Variants in KLRG2 observed in about 807,000 individuals in gnomAD.
KLRG2 encodes the protein killer cell lectin like receptor G2.
A neutral mutation model predicts 35.4 loss-of-function variants in KLRG2; 39 were observed. The observed-to-expected ratio is 1.10, with a 90% CI of 0.85 to 1.44. The LOEUF (loss-of-function observed/expected upper bound fraction) is 1.44, where lower values mean the gene tolerates loss of function less well. Ranked by LOEUF, KLRG2 falls within the 40% of genes most tolerant of loss-of-function variation. The pLI is 0.00. For missense variants in KLRG2, 632 were observed against 570.9 expected, an observed-to-expected ratio of 1.11 and a Z score of -1.09; for synonymous variants, 283 against 265.8, an observed-to-expected ratio of 1.06 and a Z score of -0.63.
downstream of KLRG2, among the ~76,000 whole-genome samples, chr7:139,450,379 A>G (rs186805592): frequency 8.7e-3 from 1,324 of 151,980 alleles, 9 homozygotes; most frequent in Non-Finnish European, 0.015. Context: ...GCCTGCCACC[A>G]CGCCCGGCTA....
intron 3 of KLRG2, among the ~76,000 whole-genome samples, chr7:139,465,052 C>G (rs1459423404): frequency 6.6e-6 from 1 of 152,210 alleles, no homozygotes; most frequent in African/African-American, 2.4e-5. Context: ...CTTTCCTGTT[C>G]CTCACCCTGA....
chr7:139,443,954 C>G, the KLRG2 span, among the ~76,000 whole-genome samples: 1 of 152,206 alleles, frequency 6.6e-6, no homozygotes, highest in Non-Finnish European at 1.5e-5. Flanking sequence ...GCCGACAGTA[C>G]AGCCTTCAGT....
At chr7:139,460,403 TGCA>T (rs1585165516) in intron 3 of KLRG2, among the ~76,000 whole-genome samples, 1 of 152,138 alleles carries the variant, frequency 6.6e-6, no homozygotes, top group Non-Finnish European at 1.5e-5. Flanking sequence ...CTGGGTCAGG[TGCA>T]GCGGCTCATG....
rs1328614926 is a variant in KLRG2 at position 139,467,380 on chromosome 7, AAAG to A, written c.1005+12244_1005+12246del. Among the ~76,000 whole-genome samples, 9 of 152,324 alleles carry A rather than the reference AAAG, an allele frequency of 5.9e-5. No homozygotes were observed. The East Asian group carries it at 1.7e-3, about 29-fold the overall frequency. On this transcript the variant is annotated intron_variant, in intron 3 of 4. Transcript: ENST00000340940. The stretch of plus-strand genomic sequence containing the variant: ...AGGTGGCCTGAAGTGAAGAACCACA[AAAG>A]AAGTGAAAATGGCCTATTCCTTGTG...
At chr7:139,440,195 C>T in the KLRG2 span, among the ~76,000 whole-genome samples, 163 of 152,220 alleles carry the variant, frequency 1.1e-3, no homozygotes, top group African/African-American at 3.8e-3. Context: ...CTGCAGCCTC[C>T]GTCTCCCAGG....
chr7:139,454,118 G>C lies in KLRG2; in HGVS notation c.1102C>G (p.Pro368Ala), dbSNP rs565844131. The C allele has an allele frequency of 2.0e-6, 3 of 1,531,404 alleles. No homozygotes were observed. In the South Asian group the frequency reaches 3.6e-5, roughly 18 times the overall value. 94.9% of individuals were successfully genotyped at this position (1,531,404 alleles called of 1,614,324 possible). A position where few individuals can be genotyped will look rare whatever the true frequency, so the allele number is the denominator to read the frequency against. The change falls in exon 4 of 5, where the codon CCC becomes GCC. Residue 368 changes from proline (P) to alanine (A), a missense_variant. Transcript: ENST00000340940. ...AAGCCCGTGGTCACTCACAGCTGGG[G>C]CGGGAGTGGGGCCTCGTCGATCCAG... is the stretch of plus-strand genomic sequence containing the variant. ...WHWIDEAPLP[P>A]QLLPEDGEDN... is the part of the protein sequence containing the mutation.
intron 3 of KLRG2, among the ~76,000 whole-genome samples, chr7:139,459,056 GTC>G (rs1796525266): frequency 6.6e-6 from 1 of 152,222 alleles, no homozygotes; most frequent in Non-Finnish European, 1.5e-5. Context: ...CTTAGCGTTG[GTC>G]TTTTTGCAGG....
At chr7:139,454,040 G>T in intron 4 of KLRG2, 71 bp downstream of exon 4, 1 of 970,776 alleles carries the variant, frequency 1.0e-6, no homozygotes, top group Non-Finnish European at 1.6e-6. Context: ...GGAGCAGCAA[G>T]GAGGTGGAGT....
intron 3 of KLRG2, 34 bp from the exon 4 acceptor site, chr7:139,454,248 G>A (rs760664735): frequency 1.9e-6 from 2 of 1,080,916 alleles, no homozygotes; most frequent in South Asian, 2.7e-5. Flanking sequence ...CACTCCCCTG[G>A]ACACTGGCGT....
intron 3 of KLRG2, among the ~76,000 whole-genome samples, chr7:139,457,433 A>T (rs1423782987): frequency 6.6e-6 from 1 of 152,204 alleles, no homozygotes; most frequent in Non-Finnish European, 1.5e-5. Context: ...TGTGAGCCAC[A>T]TGACCTTAGA....
At chr7:139,474,154 C>T (rs1796809226) in intron 3 of KLRG2, among the ~76,000 whole-genome samples, 1 of 151,850 alleles carries the variant, frequency 6.6e-6, no homozygotes, top group Non-Finnish European at 1.5e-5. Context: ...GTAGCTGGGA[C>T]TACAGTTGTG....
chr7:139,429,519 G>T, the KLRG2 span, among the ~76,000 whole-genome samples: 1 of 151,698 alleles, frequency 6.6e-6, no homozygotes, highest in African/African-American at 2.4e-5. Flanking sequence ...AGGACCCTGC[G>T]GCCTTCCGCA....
the KLRG2 span, among the ~76,000 whole-genome samples, chr7:139,427,905 A>G: frequency 6.6e-6 from 1 of 152,224 alleles, no homozygotes; most frequent in Non-Finnish European, 1.5e-5. Flanking sequence ...CGAAGGGACC[A>G]TATTCTATCA....
Position 139,483,064 on chromosome 7 carries a change from C to T in KLRG2, c.579G>A (p.Thr193=), listed in dbSNP as rs1267267963. The change falls in exon 1 of 5, where the codon ACG becomes ACA. Residue 193 remains threonine, a synonymous_variant. Transcript: ENST00000340940. ...GRRSPLAAAR[T]ESGCDAEGRA... ...GGCCCTCTGCGTCGCAGCCGCTCTCCGTCCGGGCTGCAGCCAGCGGCGAGC... is the reference window on the plus strand; with the variant it reads ...GGCCCTCTGCGTCGCAGCCGCTCTCTGTCCGGGCTGCAGCCAGCGGCGAGC... 6 of 1,388,240 alleles carry T rather than the reference C, an allele frequency of 4.3e-6. No individual in the cohort carries two copies. Among genetic ancestry groups the T allele is most frequent in the East Asian group, 3.1e-5 (1 of 32,668 alleles). 86.0% of individuals were successfully genotyped at this position (1,388,240 alleles called of 1,614,324 possible). A position where few individuals can be genotyped will look rare whatever the true frequency, so the allele number is the denominator to read the frequency against.
the KLRG2 span, among the ~76,000 whole-genome samples, chr7:139,447,233 AAAT>A: frequency 2.0e-5 from 3 of 152,196 alleles, no homozygotes; most frequent in Non-Finnish European, 2.9e-5. Context: ...AATGTCTGAG[AAAT>A]TTGTTGTTAG....
rs888973248 is a variant in KLRG2, at chr7:139,483,426, G to A, written c.217C>T (p.Pro73Ser). 6.4e-7 allele frequency: 1 copy of A among 1,562,534 alleles called. No individual in the cohort carries two copies. The highest frequency in any genetic ancestry group is 8.6e-7 in the Non-Finnish European group (1 of 1,165,652). The change falls in exon 1 of 5, where the codon CCT becomes TCT. Residue 73 changes from proline (P) to serine (S), a missense_variant. Physicochemically the swap from Pro to Ser is moderately conservative, Grantham distance 74. Transcript: ENST00000340940. ...EPSSKKKPPS[P>S]RPGSPRVPPL... The stretch of plus-strand genomic sequence containing the variant: ...GGCACGCGCGGGGACCCGGGGCGAG[G>A]CGAAGGCGGCTTTTTCTTGCTCGAG...
chr7:139,465,553 A>C (rs1175772913), intron 3 of KLRG2, among the ~76,000 whole-genome samples: 1 of 152,044 alleles, frequency 6.6e-6, no homozygotes, highest in Non-Finnish European at 1.5e-5. Context: ...TTAGCCAGGC[A>C]TGGTGGCGGG....
the KLRG2 span, among the ~76,000 whole-genome samples, chr7:139,428,557 C>G: frequency 1.3e-5 from 2 of 152,126 alleles, no homozygotes; most frequent in East Asian, 3.8e-4. Context: ...CCCTGCCTGG[C>G]CAGTTACATT....
chr7:139,427,580 T>C, the KLRG2 span, among the ~76,000 whole-genome samples: 5 of 152,182 alleles, frequency 3.3e-5, no homozygotes, highest in Non-Finnish European at 2.9e-5. Context: ...AGAAAATACA[T>C]TCAAATGGGC....
Sources: allele counts gnomAD v4.1 joint callset (sites outside exome capture counted in the v4.1 genomes callset), GRCh38; gene constraint gnomAD v4.1.1; transcripts MANE v1.5; gene names NCBI Gene and HGNC (gene_info 2026-07-23, HGNC 2026-07-21).